BANP: variants seen among roughly 807,000 people sequenced by gnomAD.
BANP encodes the protein BTG3 associated nuclear protein.
In BANP, 11 loss-of-function variants were observed where a neutral mutation model predicts 68.1. The observed-to-expected ratio is 0.16, with a 90% CI of 0.10 to 0.27. The LOEUF (loss-of-function observed/expected upper bound fraction) is 0.27. BANP is among the 10% of genes least tolerant of loss of function. The probability of loss-of-function intolerance (pLI) is 1.00; values close to 1 mark genes in which losing one functional copy is unlikely to be tolerated. For synonymous variants in BANP, 329 were observed against 303.2 expected (o/e 1.09, Z -0.88); for missense variants, 504 against 722.7 (o/e 0.70, Z 3.47).
intron 12 of BANP, among the ~76,000 whole-genome samples, chr16:88,068,612 G>A (rs952818052): frequency 6.6e-6 from 1 of 152,154 alleles, no homozygotes. Context: ...TGGTGCGGGT[G>A]CTGGCTGCCT....
rs191738475 is a variant in BANP at position 88,003,643 on chromosome 16, G to C, written c.363-652G>C. ...TCGTGCTTCCTCCAGGGTGGCGCCA[G>C]GCTTGCTGGTTTCTGGGCCATGGTC... On this transcript the variant is annotated intron_variant, in intron 4 of 13. Transcript: ENST00000682872. The surrounding 1 kb of genome is among the most constrained non-coding windows in gnomAD (Gnocchi z 6.1). The C allele has an allele frequency of 7.3e-6, 3 of 413,242 alleles. No individual in the cohort carries two copies. The allele number at this position is 413,242 out of a possible 1,614,324, so 25.6% of individuals were successfully genotyped here.
chr16:87,997,956 C>G (rs1280829787), intron 4 of BANP, among the ~76,000 whole-genome samples: 1 of 152,176 alleles, frequency 6.6e-6, no homozygotes, highest in Non-Finnish European at 1.5e-5. Flanking sequence ...CAGAACTGAC[C>G]CCGCACAGTG....
intron 2 of BANP, among the ~76,000 whole-genome samples, chr16:87,975,908 TGGAACCTTACCATGTGGTGTGTGTAATCC>T (rs2062026671): frequency 2.0e-5 from 3 of 147,584 alleles, no homozygotes; most frequent in Non-Finnish European, 4.5e-5. Context: ...TGTGGTGTCA[TGGAACCTTACCATGTGGTGTGTGTAATCC>T]CCTGTGTGTG....
Position 88,059,231 on chromosome 16 carries a change from T to G in BANP, c.1312-6036T>G, listed in dbSNP as rs181156836. Among the ~76,000 whole-genome samples, 181 of 101,014 alleles carry G rather than the reference T, an allele frequency of 1.8e-3. 1 individual carries two copies. Among genetic ancestry groups the G allele is most frequent in the Middle Eastern group, 0.018 (3 of 170 alleles). The allele number at this position is 101,014 out of a possible 152,430, so 66.3% of individuals were successfully genotyped here. On this transcript the variant is annotated intron_variant, in intron 11 of 13. Coordinates refer to ENST00000682872, the MANE Select transcript of BANP (RefSeq NM_001386991.1). ...GTAGGGATGCTCCTGGAGGCTCTGC[T>G]GTAAGGGCAGGTGGGGGTGGGGTGG...
intron 11 of BANP, among the ~76,000 whole-genome samples, chr16:88,044,645 G>A (rs557781673): frequency 9.9e-5 from 15 of 152,254 alleles, no homozygotes; most frequent in African/African-American, 3.1e-4. Flanking sequence ...TGGGACTATC[G>A]GTGTGCACCA....
intron 11 of BANP, among the ~76,000 whole-genome samples, chr16:88,055,117 T>C (rs2084658938): frequency 6.6e-6 from 1 of 152,102 alleles, no homozygotes; most frequent in Non-Finnish European, 1.5e-5. Flanking sequence ...TTTGCCCTTT[T>C]TTGCCCTTTT....
intron 1 of BANP, among the ~76,000 whole-genome samples, chr16:87,965,631 C>T (rs1263128599): frequency 2.3e-5 from 3 of 132,804 alleles, no homozygotes; most frequent in African/African-American, 8.7e-5. Context: ...CGGGGCTGGG[C>T]GGGGCTTGCA....
At chr16:87,982,750 G>A (rs1301956521) in intron 3 of BANP, 1 of 152,244 alleles carries the variant, frequency 6.6e-6, no homozygotes, top group Non-Finnish European at 1.5e-5. Context: ...GAGAAAAGGC[G>A]AGTTGTTGGG....
In BANP at chr16:88,004,048, TCAC is replaced by T. The variant is rs959319582; in HGVS notation, c.363-244_363-242del. 3.5e-5 allele frequency: 16 copies of T among 453,094 alleles called. No individual in the cohort carries two copies. The highest frequency in any genetic ancestry group is 6.0e-5 in the African/African-American group (3 of 49,974). The allele number at this position is 453,094 out of a possible 1,614,324, so 28.1% of individuals were successfully genotyped here. ...TGTGCTATCCAGTTGTGCAGACAGA[TCAC>T]CAACAATTAGGAAAAGTTACGTTCT... On this transcript the variant is annotated intron_variant, in intron 4 of 13. Transcript: ENST00000682872. This position sits in a 1 kb window ranked among gnomAD's most constrained non-coding sequence, Gnocchi z 7.0.
chr16:88,065,966 T>C (rs1045302134), intron 12 of BANP, among the ~76,000 whole-genome samples: 5 of 152,158 alleles, frequency 3.3e-5, no homozygotes, highest in Admixed American at 6.5e-5. Flanking sequence ...CAGCTTAGGA[T>C]TCTTGGTGGG....
chr16:88,027,704 T>C (rs2152716896), intron 8 of BANP, 54 bp downstream of exon 8: 1 of 1,601,216 alleles, frequency 6.2e-7, no homozygotes, highest in South Asian at 1.1e-5. Context: ...GCAGCTGGCC[T>C]GGTGGCACCC....
At chr16:87,976,335 T>A (rs1385839295) in intron 2 of BANP, among the ~76,000 whole-genome samples, 1 of 152,238 alleles carries the variant, frequency 6.6e-6, no homozygotes, top group Non-Finnish European at 1.5e-5. Context: ...TTAAAAATGG[T>A]GTTAAAGGCA....
chr16:88,026,627 A>G (rs1393094918), intron 7 of BANP, among the ~76,000 whole-genome samples: 2 of 152,142 alleles, frequency 1.3e-5, no homozygotes, highest in Admixed American at 6.5e-5. Context: ...GAGTAACAAT[A>G]CATACATGAA....
intron 11 of BANP, among the ~76,000 whole-genome samples, chr16:88,046,747 C>T (rs543874062): frequency 3.3e-5 from 5 of 151,868 alleles, no homozygotes; most frequent in Non-Finnish European, 4.4e-5. Flanking sequence ...GGGGTTTCAC[C>T]GTGTTGTGTT....
At position 87,976,271 on chromosome 16, in the gene BANP, C is replaced by T. The variant is rs150138885; in HGVS notation, c.70+1086C>T. Among the ~76,000 whole-genome samples the T allele has an allele frequency of 1.7e-4, 26 of 152,264 alleles. No individual in the cohort carries two copies. In the East Asian group the frequency reaches 3.3e-3, roughly 19 times the overall value. ...TAGAAATGTTTTACTAATTCTTCCA[C>T]GGACAGTGCTTGAGAACAAGTTTTT... On this transcript the variant is annotated intron_variant, in intron 2 of 13. Transcript: ENST00000682872.
At chr16:87,979,234 T>C (rs755988665) in intron 2 of BANP, among the ~76,000 whole-genome samples, 1 of 152,102 alleles carries the variant, frequency 6.6e-6, no homozygotes, top group Non-Finnish European at 1.5e-5. Flanking sequence ...TGAGGGGAGT[T>C]GCTTTGGTGG....
chr16:88,006,405 G>C, intron 6 of BANP, 140 bp downstream of exon 6: 2 of 1,007,748 alleles, frequency 2.0e-6, no homozygotes, highest in Non-Finnish European at 2.8e-6. Context: ...CCAGCACTTT[G>C]GGAGGCTGAG....
At chr16:88,048,350 C>T (rs1179070817) in intron 11 of BANP, among the ~76,000 whole-genome samples, 1 of 152,074 alleles carries the variant, frequency 6.6e-6, no homozygotes, top group Non-Finnish European at 1.5e-5. Context: ...AAAGCGCAGA[C>T]ACGATATGGG....
At position 88,058,361 on chromosome 16, in the gene BANP, G is replaced by A. The variant is rs553287834; in HGVS notation, c.1312-6906G>A. Among the ~76,000 whole-genome samples, 29 of 152,326 alleles carry A rather than the reference G, an allele frequency of 1.9e-4. No homozygotes were observed. In the East Asian group the frequency reaches 4.8e-3, roughly 25 times the overall value. ...GGGCCGGGACGTGCTGATGTCAGGCGCCTTCGTCGACTGAGCTCCTTCCTG... is the reference window on the plus strand; with the variant it reads ...GGGCCGGGACGTGCTGATGTCAGGCACCTTCGTCGACTGAGCTCCTTCCTG... On this transcript the variant is annotated intron_variant, in intron 11 of 13. Coordinates refer to ENST00000682872, the MANE Select transcript of BANP (RefSeq NM_001386991.1).
Sources: allele counts gnomAD v4.1 joint callset (sites outside exome capture counted in the v4.1 genomes callset), GRCh38; gene constraint gnomAD v4.1.1; non-coding constraint Gnocchi (gnomAD v3.1); transcripts MANE v1.5; gene names NCBI Gene and HGNC (gene_info 2026-07-23, HGNC 2026-07-21).